The following PLPPR5 variants were observed in gnomAD, a reference collection of about 807,000 sequenced individuals.
PLPPR5 encodes phospholipid phosphatase related 5, also known as phospholipid phosphatase-related protein type 5.
A neutral mutation model predicts 33.9 loss-of-function variants in PLPPR5; 16 were observed. The ratio of observed to expected loss-of-function variants is 0.47; its 90% CI spans 0.32 to 0.72. The LOEUF (loss-of-function observed/expected upper bound fraction) is 0.72, where lower values mean the gene tolerates loss of function less well. Ranked by LOEUF, PLPPR5 falls within the 30% of genes least tolerant of loss-of-function variation. The pLI, the probability that PLPPR5 is intolerant of heterozygous loss-of-function variation, is 0.03. For missense variants in PLPPR5, 301 were observed against 406.7 expected, an observed-to-expected ratio of 0.74 and a Z score of 2.23; for synonymous variants, 163 against 150.3, an observed-to-expected ratio of 1.08 and a Z score of -0.62.
At chr1:98,951,318 AT>A (rs1400151020) in intron 3 of PLPPR5, among the ~76,000 whole-genome samples, 2 of 152,206 alleles carry the variant, frequency 1.3e-5, no homozygotes, top group Non-Finnish European at 2.9e-5. Context: ...ACCATACCTC[AT>A]ATCAGGCCCA....
At chr1:99,003,056 CATATATAT>C (rs59686592) in intron 1 of PLPPR5, among the ~76,000 whole-genome samples, 4,275 of 81,100 alleles carry the variant, frequency 0.053, 115 homozygotes, top group African/African-American at 0.06. Context: ...ACTTATTTTA[CATATATAT>C]ATATATATAT....
chr1:98,899,655 CTTG>C (rs966675071), intron 5 of PLPPR5, among the ~76,000 whole-genome samples: 5 of 138,600 alleles, frequency 3.6e-5, no homozygotes, highest in African/African-American at 1.1e-4. Context: ...GTTTATTTCA[CTTG>C]TTTTTTTTTT....
At chr1:98,910,210 CA>C (rs1649070204) in intron 5 of PLPPR5, among the ~76,000 whole-genome samples, 1 of 152,184 alleles carries the variant, frequency 6.6e-6, no homozygotes, top group Non-Finnish European at 1.5e-5. Flanking sequence ...GCCATACTTG[CA>C]GACCAAACTT....
intron 1 of PLPPR5, among the ~76,000 whole-genome samples, chr1:98,980,547 A>G (rs1190408942): frequency 1.3e-5 from 2 of 152,124 alleles, no homozygotes; most frequent in Non-Finnish European, 2.9e-5. Flanking sequence ...TTAATAGTAT[A>G]AACTGGAAAA....
intron 3 of PLPPR5, among the ~76,000 whole-genome samples, chr1:98,932,555 C>G (rs953468205): frequency 6.6e-6 from 1 of 152,142 alleles, no homozygotes; most frequent in African/African-American, 2.4e-5. Context: ...TCTATGTGAC[C>G]TTTCAGCCTT....
chr1:98,925,062 T>A lies in PLPPR5; in HGVS notation c.622-3004A>T, dbSNP rs575212748. Among the ~76,000 whole-genome samples the A allele has an allele frequency of 2.7e-4, 41 of 152,352 alleles. 1 individual carries two copies. Among genetic ancestry groups the A allele is most frequent in the Non-Finnish European group, 4.9e-4 (33 of 68,038 alleles). The stretch of plus-strand genomic sequence containing the variant: ...GCAACTCTTCAGTACTTTATGAACA[T>A]AAGTGCCTTTTTAGCCAGTCTAATT... On this transcript the variant is annotated intron_variant, in intron 3 of 5. Transcript: ENST00000263177.
chr1:98,958,171 A>G (rs566076291), intron 1 of PLPPR5, among the ~76,000 whole-genome samples: 5 of 152,336 alleles, frequency 3.3e-5, no homozygotes, highest in African/African-American at 1.2e-4. Flanking sequence ...TGTCAAGCTT[A>G]ATTAACATGC....
At chr1:98,905,028 T>C (rs1186475723) in intron 5 of PLPPR5, among the ~76,000 whole-genome samples, 2 of 152,214 alleles carry the variant, frequency 1.3e-5, no homozygotes, top group African/African-American at 2.4e-5. Flanking sequence ...TTAGTAAGCA[T>C]CATCTGCAGC....
intron 3 of PLPPR5, among the ~76,000 whole-genome samples, chr1:98,948,409 C>A (rs566109809): frequency 6.6e-6 from 1 of 152,102 alleles, no homozygotes; most frequent in South Asian, 2.1e-4. Context: ...AGAGTTTCCA[C>A]CAGTATTCTG....
At chr1:98,946,922 C>A (rs1273228135) in intron 3 of PLPPR5, among the ~76,000 whole-genome samples, 2 of 152,060 alleles carry the variant, frequency 1.3e-5, no homozygotes, top group African/African-American at 4.8e-5. Flanking sequence ...TATAGAACTA[C>A]ACTTGTAAAA....
rs959904529 is a variant in PLPPR5, at chr1:98,897,171, C to A, written c.934-4067G>T. Among the ~76,000 whole-genome samples the A allele has an allele frequency of 3.3e-5, 5 of 152,190 alleles. No homozygotes were observed. The South Asian group carries it at 1.0e-3, about 31-fold the overall frequency. On this transcript the variant is annotated intron_variant, in intron 5 of 5. Coordinates refer to ENST00000263177, the MANE Select transcript of PLPPR5 (RefSeq NM_001037317.2). ...ATATTGCTTTTGGTTGTAAGGAAAA[C>A]CTGCACAGAAGGACACATTTTTCTG...
At chr1:98,913,706 A>G (rs187682330) in intron 5 of PLPPR5, among the ~76,000 whole-genome samples, 29 of 152,346 alleles carry the variant, frequency 1.9e-4, no homozygotes, top group African/African-American at 6.7e-4. Flanking sequence ...ACACCTGATT[A>G]GTGTGTAACT....
At chr1:98,976,092 T>TAAAAAAAAAAA (rs34637022) in intron 1 of PLPPR5, among the ~76,000 whole-genome samples, 11 of 74,588 alleles carry the variant, frequency 1.5e-4, no homozygotes, top group East Asian at 4.8e-4. Flanking sequence ...TACTAAAAAG[T>TAAAAAAAAAAA]AAAAAAAAAA....
At chr1:98,988,772 G>A (rs1043287740) in intron 1 of PLPPR5, among the ~76,000 whole-genome samples, 1 of 152,060 alleles carries the variant, frequency 6.6e-6, no homozygotes. Context: ...CTTCTCTTAA[G>A]TTTTCCTTGC....
chr1:98,986,687 T>C (rs1244124609), intron 1 of PLPPR5, among the ~76,000 whole-genome samples: 1 of 151,838 alleles, frequency 6.6e-6, no homozygotes, highest in Non-Finnish European at 1.5e-5. Context: ...GAAAAGAATT[T>C]TATGCGTGAT....
chr1:98,947,785 G>A (rs541359263), intron 3 of PLPPR5, among the ~76,000 whole-genome samples: 8 of 152,108 alleles, frequency 5.3e-5, no homozygotes, highest in Non-Finnish European at 7.4e-5. Context: ...AACATCAATC[G>A]ACTAATAATA....
At chr1:98,995,952 C>T (rs193144693) in intron 1 of PLPPR5, among the ~76,000 whole-genome samples, 6 of 152,080 alleles carry the variant, frequency 3.9e-5, no homozygotes, top group Admixed American at 3.3e-4. Context: ...AATCAGATAA[C>T]ACCACATGAC....
At chr1:98,948,133 G>A (rs981997215) in intron 3 of PLPPR5, among the ~76,000 whole-genome samples, 7 of 152,168 alleles carry the variant, frequency 4.6e-5, no homozygotes, top group African/African-American at 1.4e-4. Context: ...AAACGGACAT[G>A]CACTCCCTGA....
chr1:98,969,600 T>C (rs1651582861), intron 1 of PLPPR5, among the ~76,000 whole-genome samples: 1 of 152,006 alleles, frequency 6.6e-6, no homozygotes, highest in Non-Finnish European at 1.5e-5. Context: ...GACCTATACT[T>C]TTCCTCACTG....
Sources: gnomAD v4.1 joint callset for allele counts (sites outside exome capture counted in the v4.1 genomes callset) on GRCh38, gnomAD v4.1.1 for gene constraint, MANE v1.5 for transcripts, NCBI Gene and HGNC (gene_info 2026-07-23, HGNC 2026-07-21) for gene names.